GOLM1: variants seen among roughly 807,000 people sequenced by gnomAD.
GOLM1 encodes the protein golgi membrane protein 1.
GOLM1 carries 31 observed loss-of-function variants against 50.5 expected under a neutral mutation model. The observed-to-expected ratio is 0.61, with a 90% confidence interval of 0.46 to 0.83. GOLM1 has a LOEUF of 0.83. GOLM1 is among the 40% of genes least tolerant of loss of function. The pLI, the probability that GOLM1 is intolerant of heterozygous loss-of-function variation, is 0.00. For synonymous variants in GOLM1, 178 were observed against 192.8 expected (o/e 0.92, Z 0.64); for missense variants, 491 against 501.3 (o/e 0.98, Z 0.20).
At chr9:86,078,076 T>C (rs1048670585) in intron 2 of GOLM1, 3 of 158,540 alleles carry the variant, frequency 1.9e-5, no homozygotes, top group East Asian at 3.6e-4. Context: ...GGAGGGTAAG[T>C]GTGAGAACAG....
chr9:86,042,759 C>T (rs934988903), intron 5 of GOLM1, among the ~76,000 whole-genome samples: 2 of 152,304 alleles, frequency 1.3e-5, no homozygotes, highest in South Asian at 2.1e-4. Context: ...GCTCCCAGCC[C>T]TGCTAAAATC....
At chr9:86,082,934 T>TTAGTAACACA (rs1196378688) in intron 1 of GOLM1, among the ~76,000 whole-genome samples, 2 of 152,248 alleles carry the variant, frequency 1.3e-5, no homozygotes, top group African/African-American at 4.8e-5. Context: ...TGTGTATTTC[T>TTAGTAACACA]TAGTAACACA....
intron 3 of GOLM1, among the ~76,000 whole-genome samples, chr9:86,055,859 T>C (rs1001999802): frequency 6.6e-6 from 1 of 152,172 alleles, no homozygotes; most frequent in South Asian, 2.1e-4. Context: ...TAGAGATCTG[T>C]TGCACAACAG....
At position 86,067,707 on chromosome 9, in the gene GOLM1, T is replaced by C. The variant is rs189485507; in HGVS notation, c.309+9705A>G. Among the ~76,000 whole-genome samples the C allele has an allele frequency of 2.6e-3, 391 of 152,242 alleles. 1 individual carries two copies. The highest frequency in any genetic ancestry group is 3.8e-3 in the Non-Finnish European group (261 of 68,022). On this transcript the variant is annotated intron_variant, in intron 3 of 9. Transcript: ENST00000388712. Reference sequence around the variant, plus strand: ...TGAAGGAGCCCATGAATGACCTCATTTAGAAACAGGGTTGGCCGGGCGCAG... The same window carrying C: ...TGAAGGAGCCCATGAATGACCTCATCTAGAAACAGGGTTGGCCGGGCGCAG...
intron 9 of GOLM1, among the ~76,000 whole-genome samples, chr9:86,029,149 G>A (rs899684181): frequency 1.3e-5 from 2 of 152,100 alleles, no homozygotes; most frequent in African/African-American, 2.4e-5. Context: ...GAGCAACCAC[G>A]CCCAGCTGGA....
At chr9:86,055,941 C>T (rs1833970973) in intron 3 of GOLM1, among the ~76,000 whole-genome samples, 1 of 151,948 alleles carries the variant, frequency 6.6e-6, no homozygotes, top group South Asian at 2.1e-4. Flanking sequence ...AACCATGTTT[C>T]CTCTGGAAAT....
intron 3 of GOLM1, among the ~76,000 whole-genome samples, chr9:86,055,228 TAA>T (rs1325776160): frequency 6.6e-6 from 1 of 152,128 alleles, no homozygotes; most frequent in East Asian, 1.9e-4. Flanking sequence ...ATAATACCTG[TAA>T]AAGTCATCCC....
At chr9:86,039,688 C>T (rs1833268681) in intron 6 of GOLM1, among the ~76,000 whole-genome samples, 1 of 152,148 alleles carries the variant, frequency 6.6e-6, no homozygotes, top group Non-Finnish European at 1.5e-5. Flanking sequence ...ACCAGACAGT[C>T]CGGGCGTGGT....
intron 1 of GOLM1, among the ~76,000 whole-genome samples, chr9:86,097,497 G>A (rs1041069629): frequency 6.6e-6 from 1 of 151,718 alleles, no homozygotes; most frequent in East Asian, 1.9e-4. Flanking sequence ...TAACAATAAT[G>A]CTGCAGAATT....
chr9:86,046,796 C>T (rs562464534), intron 4 of GOLM1, among the ~76,000 whole-genome samples: 10 of 152,290 alleles, frequency 6.6e-5, no homozygotes, highest in African/African-American at 2.2e-4. Context: ...AAAGAAGCTG[C>T]GTCTTGATCC....
At chr9:86,065,702 C>T (rs572204804) in intron 3 of GOLM1, among the ~76,000 whole-genome samples, 24 of 152,240 alleles carry the variant, frequency 1.6e-4, no homozygotes, top group Admixed American at 9.2e-4. Flanking sequence ...CTGTCTCAAG[C>T]GACAAGAATG....
At position 86,046,642 on chromosome 9, in the gene GOLM1, CAG is replaced by C. The variant is rs1319178089; in HGVS notation, c.365-72_365-71del. On this transcript the variant is annotated intron_variant, in intron 4 of 9. Coordinates refer to ENST00000388712, the MANE Select transcript of GOLM1 (RefSeq NM_016548.4). ...GTCATGCCATTCAGCCAAAATATGA[CAG>C]AGGCAGACTCACACATCAGACCATA... The C allele has an allele frequency of 3.5e-6, 3 of 862,096 alleles. No homozygotes were observed. The African/African-American group carries it at 5.0e-5, about 14-fold the overall frequency. 53.4% of individuals were successfully genotyped at this position (862,096 alleles called of 1,614,324 possible).
At chr9:86,045,027 C>T (rs1399186328) in intron 5 of GOLM1, among the ~76,000 whole-genome samples, 2 of 151,998 alleles carry the variant, frequency 1.3e-5, no homozygotes, top group Non-Finnish European at 2.9e-5. Context: ...TATTTTTATC[C>T]TTAAAATCCC....
rs758766439 is a variant in GOLM1 at position 86,052,510 on chromosome 9, T to C, written c.364+27A>G. 3.1e-6 allele frequency: 5 copies of C among 1,606,858 alleles called. No homozygotes were observed. The Admixed American group carries it at 6.7e-5, about 21-fold the overall frequency. ...AGTTTCCTCCTCAAAGGCCAGTGCC[T>C]GGTGTGGAGGAGCGAGCGGAACTTA... On this transcript the variant is annotated intron_variant, in intron 4 of 9. Transcript: ENST00000388712.
intron 1 of GOLM1, among the ~76,000 whole-genome samples, chr9:86,091,758 T>C (rs950518633): frequency 2.0e-5 from 3 of 152,182 alleles, no homozygotes; most frequent in Admixed American, 1.3e-4. Flanking sequence ...TTTGTTATTC[T>C]AGTAGAGGTA....
intron 9 of GOLM1, among the ~76,000 whole-genome samples, chr9:86,029,560 A>G (rs1286365695): frequency 1.3e-5 from 2 of 152,216 alleles, no homozygotes; most frequent in East Asian, 3.9e-4. Context: ...ATTTATAACT[A>G]TGGCACATTA....
At chr9:86,043,048 G>A (rs1248623061) in intron 5 of GOLM1, among the ~76,000 whole-genome samples, 1 of 152,176 alleles carries the variant, frequency 6.6e-6, no homozygotes, top group East Asian at 1.9e-4. Flanking sequence ...ACCACTGATG[G>A]AATGTGTTCA....
At chr9:86,096,057 T>C (rs8181151) in intron 1 of GOLM1, among the ~76,000 whole-genome samples, 5,395 of 152,268 alleles carry the variant, frequency 0.035, 292 homozygotes, top group East Asian at 0.27. Context: ...GTAGGCTTAC[T>C]ACTGACCCCA....
At chr9:86,068,746 A>C (rs976467493) in intron 3 of GOLM1, among the ~76,000 whole-genome samples, 2 of 152,266 alleles carry the variant, frequency 1.3e-5, no homozygotes, top group Non-Finnish European at 2.9e-5. Context: ...GATATGCAGT[A>C]ACAGATAACA....
Sources: gnomAD v4.1 joint callset for allele counts (sites outside exome capture counted in the v4.1 genomes callset) on GRCh38, gnomAD v4.1.1 for gene constraint, MANE v1.5 for transcripts, NCBI Gene and HGNC (gene_info 2026-07-23, HGNC 2026-07-21) for gene names.